The following DYRK1A variants were observed in gnomAD, a reference collection of about 807,000 sequenced individuals.
The protein encoded by DYRK1A is dual specificity tyrosine-phosphorylation-regulated kinase 1A.
DYRK1A carries 9 observed loss-of-function variants against 79.7 expected under a neutral mutation model. That is an observed-to-expected ratio of 0.11 (90% confidence interval 0.07 to 0.20). DYRK1A has a LOEUF of 0.20. DYRK1A is among the 10% of genes least tolerant of loss of function. The pLI is 1.00. For missense variants in DYRK1A, 622 were observed against 956.0 expected (o/e 0.65, Z 4.61); for synonymous variants, 349 against 329.7 (o/e 1.06, Z -0.63).
intron 2 of DYRK1A, among the ~76,000 whole-genome samples, chr21:37,441,775 A>G (rs559546860): frequency 6.6e-6 from 1 of 152,252 alleles, no homozygotes; most frequent in South Asian, 2.1e-4. Context: ...AGATTTAAAT[A>G]AGAATTCCTG....
intron 1 of DYRK1A, among the ~76,000 whole-genome samples, chr21:37,417,541 T>TTTTC (rs1569304692): frequency 5.4e-4 from 31 of 57,128 alleles, no homozygotes; most frequent in African/African-American, 1.2e-3. Flanking sequence ...TTTTTTTTTT[T>TTTTC]TTTTTTTTTT....
intron 1 of DYRK1A, among the ~76,000 whole-genome samples, chr21:37,412,138 T>C: frequency 6.6e-6 from 1 of 152,002 alleles, no homozygotes; most frequent in East Asian, 1.9e-4. Context: ...TGAAGGCAAA[T>C]TGAGGTGATC....
chr21:37,464,299 C>G (rs1208635861), intron 2 of DYRK1A: 1 of 500,474 alleles, frequency 2.0e-6, no homozygotes. Flanking sequence ...GTAATATGGT[C>G]TCTAGTTATT....
intron 2 of DYRK1A, among the ~76,000 whole-genome samples, chr21:37,469,928 G>A (rs1214269420): frequency 3.3e-5 from 5 of 152,242 alleles, no homozygotes; most frequent in African/African-American, 1.2e-4. Context: ...GGTGGATCAC[G>A]AGGTCAGGAG....
intron 2 of DYRK1A, among the ~76,000 whole-genome samples, chr21:37,449,503 G>A (rs990240012): frequency 1.1e-4 from 16 of 152,172 alleles, no homozygotes; most frequent in Non-Finnish European, 1.3e-4. Context: ...TGGGTCAGAC[G>A]TGGTAGTGGC....
intron 2 of DYRK1A, among the ~76,000 whole-genome samples, chr21:37,470,583 T>G (rs1023141333): frequency 2.0e-5 from 3 of 152,212 alleles, no homozygotes; most frequent in African/African-American, 7.2e-5. Context: ...AATTTGCCAG[T>G]CACAGCCTTA....
chr21:37,432,657 A>G (rs2050808019), intron 2 of DYRK1A, among the ~76,000 whole-genome samples: 1 of 152,182 alleles, frequency 6.6e-6, no homozygotes, highest in African/African-American at 2.4e-5. Flanking sequence ...TTGTCATTTG[A>G]GATGATCTTG....
At chr21:37,493,228 G>C (rs1353356220) in intron 8 of DYRK1A, 65 bp downstream of exon 8, 1 of 1,498,302 alleles carries the variant, frequency 6.7e-7, no homozygotes, top group Non-Finnish European at 9.1e-7. Flanking sequence ...ATCTGTGACA[G>C]TGTAATTTAA....
At chr21:37,423,021 A>G (rs2050518500) in intron 2 of DYRK1A, among the ~76,000 whole-genome samples, 1 of 152,166 alleles carries the variant, frequency 6.6e-6, no homozygotes, top group Admixed American at 6.6e-5. Context: ...TTATTTGGTG[A>G]GCATTTGCTT....
chr21:37,459,713 C>A (rs1204501853), intron 2 of DYRK1A, among the ~76,000 whole-genome samples: 1 of 152,180 alleles, frequency 6.6e-6, no homozygotes, highest in Non-Finnish European at 1.5e-5. Context: ...CCTGACAGGG[C>A]TGCTTCAGCA....
chr21:37,394,612 ATTCTCAT>A (rs1875935160), intron 1 of DYRK1A, among the ~76,000 whole-genome samples: 1 of 152,110 alleles, frequency 6.6e-6, no homozygotes, highest in South Asian at 2.1e-4. Context: ...GCGGCATTTG[ATTCTCAT>A]AGGAGCGCGA....
rs1042755272 is a variant in DYRK1A, at chr21:37,505,042, A to G, written c.1213-241A>G. The G allele has an allele frequency of 5.4e-5, 24 of 445,410 alleles. 1 individual carries two copies. The highest frequency in any genetic ancestry group is 4.8e-4 in the African/African-American group (24 of 49,682). The allele number at this position is 445,410 out of a possible 1,614,324, so 27.6% of individuals were successfully genotyped here. A position where few individuals can be genotyped will look rare whatever the true frequency, so the allele number is the denominator to read the frequency against. On this transcript the variant is annotated intron_variant, in intron 9 of 11. Coordinates refer to ENST00000647188, the MANE Select transcript of DYRK1A (RefSeq NM_001347721.2). ...AAAACCAGGCTCTGGATCAGGCCAT[A>G]GTTTACTGACCCCTGGGCTAAATGA...
chr21:37,424,569 A>T (rs539939017), intron 2 of DYRK1A, among the ~76,000 whole-genome samples: 1 of 152,176 alleles, frequency 6.6e-6, no homozygotes, highest in African/African-American at 2.4e-5. Flanking sequence ...ATGTTGCCCT[A>T]CATCATCAAA....
chr21:37,421,396 T>C (rs1219449221), intron 2 of DYRK1A, among the ~76,000 whole-genome samples: 4 of 152,122 alleles, frequency 2.6e-5, no homozygotes, highest in Non-Finnish European at 4.4e-5. Context: ...CGGTGTACTA[T>C]TTTGTATGAA....
chr21:37,389,925 G>GT (rs113974002), intron 1 of DYRK1A, among the ~76,000 whole-genome samples: 13,284 of 134,950 alleles, frequency 0.098, 681 homozygotes, highest in Non-Finnish European at 0.13. Context: ...TTTGTTTTTT[G>GT]TTTTTTTTTT....
At chr21:37,376,732 C>A (rs2049549767) in intron 1 of DYRK1A, among the ~76,000 whole-genome samples, 1 of 151,740 alleles carries the variant, frequency 6.6e-6, no homozygotes, top group South Asian at 2.1e-4. Context: ...TTGTTAGGGC[C>A]CGTATTTGAG....
chr21:37,468,228 G>A (rs894807920), intron 2 of DYRK1A, among the ~76,000 whole-genome samples: 10 of 151,676 alleles, frequency 6.6e-5, no homozygotes, highest in African/African-American at 2.4e-5. Context: ...CCTCCCACCC[G>A]AGCCTCCTGA....
chr21:37,493,801 T>G (rs939504378), intron 8 of DYRK1A, among the ~76,000 whole-genome samples: 7 of 152,216 alleles, frequency 4.6e-5, no homozygotes, highest in African/African-American at 1.4e-4. Flanking sequence ...AATTGACAAT[T>G]TGCACGTCTT....
intron 2 of DYRK1A, among the ~76,000 whole-genome samples, chr21:37,442,504 T>C (rs2051138884): frequency 6.6e-6 from 1 of 152,208 alleles, no homozygotes; most frequent in Non-Finnish European, 1.5e-5. Flanking sequence ...TTCTGTACTA[T>C]CTAACCTTTT....
Sources: allele counts gnomAD v4.1 joint callset (sites outside exome capture counted in the v4.1 genomes callset), GRCh38; gene constraint gnomAD v4.1.1; transcripts MANE v1.5; gene names NCBI Gene and HGNC (gene_info 2026-07-23, HGNC 2026-07-21).